CDH12: variants seen among roughly 807,000 people sequenced by gnomAD.
CDH12 encodes the protein cadherin 12.
Under a neutral mutation model 74.1 loss-of-function variants are expected in CDH12, and 41 were observed. The observed-to-expected ratio is 0.55, with a 90% confidence interval of 0.43 to 0.72. CDH12 has a LOEUF of 0.72. CDH12 is among the 30% of genes least tolerant of loss of function. The pLI, the probability that CDH12 is intolerant of heterozygous loss-of-function variation, is 0.00. For missense variants in CDH12, 945 were observed against 977.2 expected (o/e 0.97, Z 0.44); for synonymous variants, 399 against 355.0 (o/e 1.12, Z -1.39).
At chr5:22,270,900 T>C (rs769449683) in intron 3 of CDH12, among the ~76,000 whole-genome samples, 30 of 152,030 alleles carry the variant, frequency 2.0e-4, no homozygotes, top group Non-Finnish European at 4.0e-4. Context: ...AGTCTTGAAC[T>C]CCTGACCTCG....
rs1474174124 is a variant in CDH12 at position 21,751,677 on chromosome 5, GT to G, written c.*59del. On this transcript the variant is annotated 3_prime_UTR_variant, in exon 15 of 15. Coordinates refer to ENST00000382254, the MANE Select transcript of CDH12 (RefSeq NM_004061.5). ...GAGAGAGATTTCTATTAATATTTGT[GT>G]TTCTTTTTCTTTTTTAAAAATCTCC... 5 of 1,346,960 alleles carry G rather than the reference GT, an allele frequency of 3.7e-6. No homozygotes were observed. Among genetic ancestry groups the G allele is most frequent in the Non-Finnish European group, 5.1e-6 (5 of 977,286 alleles). 83.4% of individuals were successfully genotyped at this position (1,346,960 alleles called of 1,614,324 possible).
intron 1 of CDH12, among the ~76,000 whole-genome samples, chr5:22,546,497 T>C (rs1424069275): frequency 2.0e-5 from 3 of 152,306 alleles, no homozygotes; most frequent in South Asian, 2.1e-4. Flanking sequence ...CAGTTTAATT[T>C]AGATAATGTT....
chr5:22,303,399 G>A (rs1737973767), intron 3 of CDH12, among the ~76,000 whole-genome samples: 1 of 151,894 alleles, frequency 6.6e-6, no homozygotes, highest in South Asian at 2.1e-4. Flanking sequence ...CAAAACACTT[G>A]AAAGTGTTTA....
At chr5:22,448,453 A>G (rs1744914498) in intron 2 of CDH12, among the ~76,000 whole-genome samples, 2 of 152,064 alleles carry the variant, frequency 1.3e-5, no homozygotes, top group Non-Finnish European at 2.9e-5. Flanking sequence ...AAGGCATTCA[A>G]CAGACAAAAA....
At chr5:22,807,251 G>A (rs1229919258) in intron 1 of CDH12, among the ~76,000 whole-genome samples, 1 of 152,080 alleles carries the variant, frequency 6.6e-6, no homozygotes, top group Non-Finnish European at 1.5e-5. Context: ...TCATTATGTT[G>A]GAATTTTCAG....
intron 6 of CDH12, among the ~76,000 whole-genome samples, chr5:21,901,208 A>C (rs1579934411): frequency 6.6e-6 from 1 of 152,222 alleles, no homozygotes; most frequent in African/African-American, 2.4e-5. Context: ...TAAGGTCAAC[A>C]TATAAAGTTC....
In CDH12 at chr5:22,649,227, C is replaced by T. The variant is rs752918094; in HGVS notation, c.-522-143863G>A. ...AGGCACTCTGCCAGGCTTGTGAATA[C>T]AATATTTCCATTGTTTGCAACAGCG... On this transcript the variant is annotated intron_variant, in intron 1 of 14. Transcript: ENST00000382254. Among the ~76,000 whole-genome samples the T allele has an allele frequency of 2.4e-4, 37 of 151,956 alleles. 1 individual carries two copies. Among genetic ancestry groups the T allele is most frequent in the Non-Finnish European group, 1.2e-4 (8 of 67,902 alleles).
chr5:22,232,251 T>G (rs1445494072), intron 3 of CDH12, among the ~76,000 whole-genome samples: 2 of 151,866 alleles, frequency 1.3e-5, no homozygotes, highest in African/African-American at 4.8e-5. Context: ...AAACCCCTCC[T>G]AAAAATTTTA....
chr5:22,586,229 C>CTA (rs1740393637), intron 1 of CDH12, among the ~76,000 whole-genome samples: 1 of 152,112 alleles, frequency 6.6e-6, no homozygotes, highest in Admixed American at 6.6e-5. Flanking sequence ...TCTCAGCAAA[C>CTA]TCGCAAGGAC....
At chr5:22,049,952 T>C (rs1740239435) in intron 5 of CDH12, among the ~76,000 whole-genome samples, 1 of 152,176 alleles carries the variant, frequency 6.6e-6, no homozygotes, top group South Asian at 2.1e-4. Context: ...AAACTCTCTA[T>C]AAAATATATC....
intron 4 of CDH12, among the ~76,000 whole-genome samples, chr5:22,113,228 C>T (rs1035672585): frequency 1.3e-5 from 2 of 152,132 alleles, no homozygotes; most frequent in African/African-American, 4.8e-5. Flanking sequence ...ATCTTGAAAT[C>T]GCCCTTCAAA....
chr5:22,102,404 C>A (rs1196864038), intron 4 of CDH12, among the ~76,000 whole-genome samples: 1 of 152,140 alleles, frequency 6.6e-6, no homozygotes, highest in African/African-American at 2.4e-5. Context: ...CACGGTGGCT[C>A]ACGCCTGTTA....
At position 22,757,823 on chromosome 5, in the gene CDH12, A is replaced by G. The variant is rs185181212; in HGVS notation, c.-523+95235T>C. On this transcript the variant is annotated intron_variant, in intron 1 of 14. Transcript: ENST00000382254. ...ATCCCCTAAATGAAATAAATTTTAA[A>G]ATCCTTTCATGCATTACACTGCCAA... Among the ~76,000 whole-genome samples the G allele has an allele frequency of 3.0e-3, 461 of 152,282 alleles. 3 individuals are homozygous for G. The highest frequency in any genetic ancestry group is 0.011 in the African/African-American group (444 of 41,562).
chr5:22,088,703 G>GT (rs1743224479), intron 4 of CDH12, among the ~76,000 whole-genome samples: 1 of 152,100 alleles, frequency 6.6e-6, no homozygotes, highest in Non-Finnish European at 1.5e-5. Context: ...GTTGAAAGTA[G>GT]TAAAAACCCA....
chr5:22,256,949 A>T (rs1353146978), intron 3 of CDH12, among the ~76,000 whole-genome samples: 1 of 152,190 alleles, frequency 6.6e-6, no homozygotes, highest in Non-Finnish European at 1.5e-5. Context: ...ATAGAATACA[A>T]AGAAAATGTG....
intron 2 of CDH12, among the ~76,000 whole-genome samples, chr5:22,478,374 C>T (rs754691696): frequency 2.1e-5 from 3 of 144,060 alleles, no homozygotes; most frequent in African/African-American, 5.2e-5. Flanking sequence ...GCAGAGACCG[C>T]GCCACTGCCC....
At chr5:22,598,899 C>T (rs1217182686) in intron 1 of CDH12, among the ~76,000 whole-genome samples, 1 of 152,066 alleles carries the variant, frequency 6.6e-6, no homozygotes, top group Non-Finnish European at 1.5e-5. Flanking sequence ...GTAAGTGGTT[C>T]CCTGACATGT....
At chr5:22,417,511 C>T (rs1167046234) in intron 2 of CDH12, among the ~76,000 whole-genome samples, 1 of 152,152 alleles carries the variant, frequency 6.6e-6, no homozygotes, top group East Asian at 1.9e-4. Context: ...AGAAGGCCCT[C>T]GCCAGATATG....
At chr5:22,231,799 T>C (rs1230154163) in intron 3 of CDH12, among the ~76,000 whole-genome samples, 1 of 151,986 alleles carries the variant, frequency 6.6e-6, no homozygotes, top group Non-Finnish European at 1.5e-5. Flanking sequence ...CAAATTGCAA[T>C]GATAAAATCA....
Sources: gnomAD v4.1 joint callset for allele counts (sites outside exome capture counted in the v4.1 genomes callset) on GRCh38, gnomAD v4.1.1 for gene constraint, MANE v1.5 for transcripts, NCBI Gene and HGNC (gene_info 2026-07-23, HGNC 2026-07-21) for gene names.